KLF17: variants seen among roughly 807,000 people sequenced by gnomAD.
KLF17 encodes KLF transcription factor 17, also known as Krueppel-like factor 17.
Under a neutral mutation model 34.2 loss-of-function variants are expected in KLF17, and 31 were observed. The observed-to-expected ratio is 0.91, with a 90% confidence interval of 0.68 to 1.22. KLF17 has a LOEUF of 1.22. Ranked by LOEUF, KLF17 falls within the 50% of genes most tolerant of loss-of-function variation. The pLI is 0.00. For missense variants in KLF17, 478 were observed against 505.2 expected (o/e 0.95, Z 0.52); for synonymous variants, 179 against 186.7 (o/e 0.96, Z 0.34).
Position 44,130,172 on chromosome 1 carries a change from G to A in KLF17, c.901G>A (p.Val301Met), listed in dbSNP as rs142735791. The change falls in exon 2 of 4, where the codon GTG (valine) becomes ATG (methionine). Residue 301 changes from valine (V) to methionine (M), a missense_variant. Transcript: ENST00000372299. ...AGCTTATACCAAACGCTCCCACCTCGTGAGCCACCAGCGCAAGCACACAGG... is the reference window on the plus strand; with the variant it reads ...AGCTTATACCAAACGCTCCCACCTCATGAGCCACCAGCGCAAGCACACAGG... ...GKAYTKRSHLVSHQRKHTGER... is the reference protein window; with the variant it reads ...GKAYTKRSHLMSHQRKHTGER... 6.8e-6 allele frequency: 11 copies of A among 1,613,058 alleles called. No homozygotes were observed. The highest frequency in any genetic ancestry group is 5.3e-5 in the African/African-American group (4 of 74,956).
intron 1 of KLF17, chr1:44,122,437 G>A: frequency 7.2e-7 from 1 of 1,385,920 alleles, no homozygotes; most frequent in Non-Finnish European, 1.0e-6. Flanking sequence ...ACTGTTCCAT[G>A]GACCTGTGTT....
At chr1:44,101,600 C>T in the KLF17 span, 1 of 152,182 alleles carries the variant, frequency 6.6e-6, no homozygotes, top group Non-Finnish European at 1.5e-5. Context: ...TCAATGATCA[C>T]GTCAGGAGAC....
chr1:44,046,133 A>ATAG, the KLF17 span: 1 of 78,764 alleles, frequency 1.3e-5, no homozygotes, highest in Non-Finnish European at 3.0e-5. Flanking sequence ...GTAAAGGATA[A>ATAG]TAATAATAAT....
At chr1:44,065,542 CG>C in the KLF17 span, among the ~76,000 whole-genome samples, 1 of 150,314 alleles carries the variant, frequency 6.7e-6, no homozygotes, top group African/African-American at 2.4e-5. Flanking sequence ...CCCGAGTAGA[CG>C]GGATTACAGT....
intron 2 of KLF17, 46 bp from the exon 3 acceptor site, chr1:44,130,466 C>T (rs1446202834): frequency 6.2e-7 from 1 of 1,611,796 alleles, no homozygotes. Context: ...TAGACCCCTT[C>T]CTTCCTACTG....
upstream of KLF17, chr1:44,114,452 C>G (rs2087862079): frequency 6.6e-6 from 1 of 152,210 alleles, no homozygotes; most frequent in Non-Finnish European, 1.5e-5. Flanking sequence ...GGAAATGGGA[C>G]GTCGGGGTGC....
chr1:44,105,377 A>G, the KLF17 span: 3 of 151,164 alleles, frequency 2.0e-5, no homozygotes, highest in African/African-American at 7.3e-5. Flanking sequence ...AAGGGATTAA[A>G]AAAAAAAAAC....
At chr1:44,104,246 C>G in the KLF17 span, 2 of 1,318,578 alleles carry the variant, frequency 1.5e-6, no homozygotes, top group Non-Finnish European at 2.1e-6. Context: ...CGTACTTGTT[C>G]TTGAAGTCCT....
chr1:44,075,680 A>G, the KLF17 span, among the ~76,000 whole-genome samples: 1 of 152,304 alleles, frequency 6.6e-6, no homozygotes, highest in East Asian at 1.9e-4. Context: ...ATATTAACCA[A>G]GCTCCTTCAG....
the KLF17 span, among the ~76,000 whole-genome samples, chr1:44,059,476 G>T: frequency 1.3e-5 from 2 of 152,062 alleles, no homozygotes; most frequent in African/African-American, 2.4e-5. Context: ...CATCTTCATG[G>T]TTGCTGGATT....
At chr1:44,062,666 T>A in the KLF17 span, among the ~76,000 whole-genome samples, 1 of 149,100 alleles carries the variant, frequency 6.7e-6, no homozygotes, top group Non-Finnish European at 1.5e-5. Flanking sequence ...CAGTGATCCA[T>A]GATCACGCCA....
At chr1:44,098,242 A>C in the KLF17 span, among the ~76,000 whole-genome samples, 1 of 152,190 alleles carries the variant, frequency 6.6e-6, no homozygotes, top group African/African-American at 2.4e-5. Context: ...TTTCCAATTT[A>C]CTGGCATATA....
At chr1:44,093,775 C>T in the KLF17 span, among the ~76,000 whole-genome samples, 1 of 152,188 alleles carries the variant, frequency 6.6e-6, no homozygotes, top group Admixed American at 6.5e-5. Flanking sequence ...GGGTTTGTGG[C>T]AGCTATGTCT....
At chr1:44,050,029 A>T in the KLF17 span, among the ~76,000 whole-genome samples, 1 of 152,246 alleles carries the variant, frequency 6.6e-6, no homozygotes, top group Non-Finnish European at 1.5e-5. Context: ...TGTCCGGTTA[A>T]GTTGAGAAAT....
chr1:44,099,885 G>GA, the KLF17 span, among the ~76,000 whole-genome samples: 1 of 57,720 alleles, frequency 1.7e-5, no homozygotes, highest in Admixed American at 1.9e-4. Flanking sequence ...AAGAAAGAAA[G>GA]AAAGAAAGAA....
chr1:44,048,948 A>G, the KLF17 span, among the ~76,000 whole-genome samples: 1 of 152,244 alleles, frequency 6.6e-6, no homozygotes, highest in Non-Finnish European at 1.5e-5. Flanking sequence ...CAACTTGAAC[A>G]CATTTGTGTA....
the KLF17 span, among the ~76,000 whole-genome samples, chr1:44,070,590 C>CTTTTTTTTTT: frequency 5.1e-5 from 4 of 78,678 alleles, no homozygotes; most frequent in African/African-American, 2.0e-4. Context: ...TTTCCCTTGT[C>CTTTTTTTTTT]TTTTTTTTTT....
the KLF17 span, chr1:44,104,583 T>C: frequency 1.6e-6 from 1 of 612,900 alleles, no homozygotes; most frequent in Non-Finnish European, 3.0e-6. Context: ...ACAGCAGTGA[T>C]GCCTCCCATG....
the KLF17 span, among the ~76,000 whole-genome samples, chr1:44,077,770 G>A: frequency 1.3e-5 from 2 of 152,186 alleles, no homozygotes; most frequent in South Asian, 2.1e-4. Flanking sequence ...CTTCAAAGGC[G>A]AGTGTCCCAG....
Sources: gnomAD v4.1 joint callset for allele counts (sites outside exome capture counted in the v4.1 genomes callset) on GRCh38, gnomAD v4.1.1 for gene constraint, MANE v1.5 for transcripts, NCBI Gene and HGNC (gene_info 2026-07-23, HGNC 2026-07-21) for gene names.